Variants in TMEFF2 observed in about 807,000 individuals in gnomAD.
TMEFF2 encodes the protein tomoregulin-2.
TMEFF2 carries 28 observed loss-of-function variants against 53.8 expected under a neutral mutation model. The observed-to-expected ratio is 0.52, with a 90% CI of 0.39 to 0.71. TMEFF2 has a LOEUF of 0.71. Ranked by LOEUF, TMEFF2 falls within the 30% of genes least tolerant of loss-of-function variation. The pLI is 0.00. For synonymous variants in TMEFF2, 162 were observed against 166.3 expected (o/e 0.97, Z 0.20); for missense variants, 353 against 455.2 (o/e 0.78, Z 2.04).
intron 4 of TMEFF2, among the ~76,000 whole-genome samples, chr2:192,131,067 C>G (rs1425541367): frequency 1.3e-5 from 2 of 149,852 alleles, no homozygotes; most frequent in African/African-American, 2.4e-5. Context: ...GCAAGTACCC[C>G]AACCCCTTCT....
intron 4 of TMEFF2, among the ~76,000 whole-genome samples, chr2:192,159,818 A>T (rs1175373427): frequency 3.3e-5 from 5 of 152,178 alleles, no homozygotes; most frequent in Non-Finnish European, 7.3e-5. Flanking sequence ...GAACCTGAAT[A>T]GGGGCCTGAT....
intron 5 of TMEFF2, among the ~76,000 whole-genome samples, chr2:192,004,646 T>C (rs954793363): frequency 1.3e-5 from 2 of 152,050 alleles, no homozygotes; most frequent in Non-Finnish European, 2.9e-5. Context: ...GTTTTGAAGA[T>C]TAAAAAAGAA....
chr2:192,005,822 T>C (rs1686486406), intron 5 of TMEFF2, among the ~76,000 whole-genome samples: 1 of 152,190 alleles, frequency 6.6e-6, no homozygotes, highest in African/African-American at 2.4e-5. Context: ...ATGCTTATGA[T>C]ACTTTAAGCC....
intron 4 of TMEFF2, among the ~76,000 whole-genome samples, chr2:192,096,019 G>A (rs2105938992): frequency 6.6e-6 from 1 of 152,226 alleles, no homozygotes; most frequent in East Asian, 1.9e-4. Flanking sequence ...AAATTGTGAA[G>A]AGGTTTTCAT....
chr2:192,033,555 C>T (rs1257064897), intron 5 of TMEFF2, among the ~76,000 whole-genome samples: 1 of 142,478 alleles, frequency 7.0e-6, no homozygotes, highest in Non-Finnish European at 1.5e-5. Context: ...AAAACCTGTG[C>T]TCTCTCAAAA....
Position 192,144,646 on chromosome 2 carries a change from G to T in TMEFF2, c.439+35022C>A, listed in dbSNP as rs78726696. ...TGATAGTACTTTAAATCTTGTTCCT[G>T]AATGAGCAAAAGCAAATGACAAAAG... On this transcript the variant is annotated intron_variant, in intron 4 of 9. Transcript: ENST00000272771. Among the ~76,000 whole-genome samples, 1,178 of 152,136 alleles carry T rather than the reference G, an allele frequency of 7.7e-3. 6 individuals are homozygous for T. Among genetic ancestry groups the T allele is most frequent in the Non-Finnish European group, 0.012 (802 of 67,934 alleles).
At chr2:191,995,248 C>G (rs1686196031) in intron 7 of TMEFF2, among the ~76,000 whole-genome samples, 1 of 151,896 alleles carries the variant, frequency 6.6e-6, no homozygotes, top group African/African-American at 2.4e-5. Context: ...TCAAGAAGAT[C>G]TCCATTTTTA....
At chr2:191,969,529 C>G (rs1692573049) in intron 7 of TMEFF2, among the ~76,000 whole-genome samples, 1 of 152,080 alleles carries the variant, frequency 6.6e-6, no homozygotes. Flanking sequence ...TAAAAATATG[C>G]AGAGCAAAAA....
Position 192,031,601 on chromosome 2 carries a change from TG to T in TMEFF2, c.536+26077del, listed in dbSNP as rs1473292728. On this transcript the variant is annotated intron_variant, in intron 5 of 9. Transcript: ENST00000272771. ...GGATTTAACTCTTATAAAAATCCTG[TG>T]GGTAAGTACTGTTGTCTCTCCCACT... 3 of 152,194 alleles carry T rather than the reference TG, an allele frequency of 2.0e-5. No homozygotes were observed. The East Asian group carries it at 5.8e-4, about 29-fold the overall frequency. The allele number at this position is 152,194 out of a possible 1,614,324, so 9.4% of individuals were successfully genotyped here. A position where few individuals can be genotyped will look rare whatever the true frequency, so the allele number is the denominator to read the frequency against.
intron 4 of TMEFF2, among the ~76,000 whole-genome samples, chr2:192,075,294 T>TATATATATAAATAAATAAATAA (rs1553518761): frequency 3.2e-5 from 1 of 31,584 alleles, no homozygotes; most frequent in African/African-American, 1.4e-4. Context: ...ATTATATATA[T>TATATATATAAATAAATAAATAA]ATATATATAT....
At chr2:192,138,619 C>T (rs1023732584) in intron 4 of TMEFF2, among the ~76,000 whole-genome samples, 6 of 152,170 alleles carry the variant, frequency 3.9e-5, no homozygotes, top group African/African-American at 1.2e-4. Flanking sequence ...GCATGTAACT[C>T]GACAACTCCT....
At chr2:192,080,048 T>A (rs980863724) in intron 4 of TMEFF2, among the ~76,000 whole-genome samples, 1 of 152,198 alleles carries the variant, frequency 6.6e-6, no homozygotes, top group East Asian at 1.9e-4. Flanking sequence ...CATAGTCCAA[T>A]AGAGTAATTT....
intron 5 of TMEFF2, among the ~76,000 whole-genome samples, chr2:192,019,640 T>C (rs1559086891): frequency 6.6e-6 from 1 of 151,550 alleles, no homozygotes; most frequent in Non-Finnish European, 1.5e-5. Context: ...TGTTGTCTTT[T>C]TTTTTTCTTT....
Position 192,037,336 on chromosome 2 carries a change from A to AGAAAGAAAG in TMEFF2, c.536+20342_536+20343insCTTTCTTTC, listed in dbSNP as rs1553515677. On this transcript the variant is annotated intron_variant, in intron 5 of 9. Coordinates refer to ENST00000272771, the MANE Select transcript of TMEFF2 (RefSeq NM_016192.4). ...AAGAAAGAAAGAAAGAAAGAAAGAA[A>AGAAAGAAAG]AACAGAAAACAGAAAAAAAAACCTC... is the stretch of plus-strand genomic sequence containing the variant. Among the ~76,000 whole-genome samples, 21 of 150,668 alleles carry AGAAAGAAAG rather than the reference A, an allele frequency of 1.4e-4. 1 individual carries two copies. In the East Asian group the frequency reaches 4.0e-3, roughly 29 times the overall value.
chr2:192,123,271 GT>G (rs1333873862), intron 4 of TMEFF2, among the ~76,000 whole-genome samples: 2 of 152,072 alleles, frequency 1.3e-5, no homozygotes, highest in Non-Finnish European at 2.9e-5. Context: ...TAGTTATCTT[GT>G]GCTGTACTTC....
At chr2:191,962,361 T>C (rs1043006203) in intron 7 of TMEFF2, among the ~76,000 whole-genome samples, 16 of 152,230 alleles carry the variant, frequency 1.1e-4, no homozygotes, top group African/African-American at 3.6e-4. Flanking sequence ...GCATATGCTA[T>C]AAATATTCTT....
At chr2:192,018,731 A>C (rs1394407047) in intron 5 of TMEFF2, among the ~76,000 whole-genome samples, 3 of 152,224 alleles carry the variant, frequency 2.0e-5, no homozygotes, top group Non-Finnish European at 4.4e-5. Flanking sequence ...ATAATTATTT[A>C]AACATTTTAA....
At chr2:192,148,021 T>C (rs1004697570) in intron 4 of TMEFF2, among the ~76,000 whole-genome samples, 6 of 152,086 alleles carry the variant, frequency 3.9e-5, no homozygotes, top group Admixed American at 2.6e-4. Context: ...AGTCTGTCTA[T>C]TGAGCTTAGG....
intron 4 of TMEFF2, among the ~76,000 whole-genome samples, chr2:192,128,841 G>A (rs994519042): frequency 6.6e-6 from 1 of 152,212 alleles, no homozygotes; most frequent in Non-Finnish European, 1.5e-5. Context: ...AAAGGAGGCT[G>A]TTGCTCACAG....
Sources: gnomAD v4.1 joint callset for allele counts (sites outside exome capture counted in the v4.1 genomes callset) on GRCh38, gnomAD v4.1.1 for gene constraint, MANE v1.5 for transcripts, NCBI Gene and HGNC (gene_info 2026-07-23, HGNC 2026-07-21) for gene names.